ACTN1: variants seen among roughly 807,000 people sequenced by gnomAD.
The protein encoded by ACTN1 is alpha-actinin-1.
A neutral mutation model predicts 119.6 loss-of-function variants in ACTN1; 30 were observed. The observed-to-expected ratio is 0.25, with a 90% CI of 0.19 to 0.34. The LOEUF (loss-of-function observed/expected upper bound fraction) is 0.34. ACTN1 is among the 10% of genes least tolerant of loss of function. The pLI, the probability that ACTN1 is intolerant of heterozygous loss-of-function variation, is 1.00. For missense variants in ACTN1, 764 were observed against 1,223.4 expected (o/e 0.62, Z 5.60); for synonymous variants, 429 against 472.6 (o/e 0.91, Z 1.20).
chr14:68,949,404 C>T (rs2036054869), intron 1 of ACTN1, among the ~76,000 whole-genome samples: 1 of 152,204 alleles, frequency 6.6e-6, no homozygotes, highest in African/African-American at 2.4e-5. Flanking sequence ...TCTGCAGCTC[C>T]ACAGTGTGCC....
At chr14:68,930,580 A>G (rs17106619) in intron 1 of ACTN1, among the ~76,000 whole-genome samples, 4,988 of 152,222 alleles carry the variant, frequency 0.033, 282 homozygotes, top group African/African-American at 0.11. Flanking sequence ...CATGGGATTC[A>G]CTCGGATCAC....
At chr14:68,918,455 G>A (rs965942400) in intron 3 of ACTN1, among the ~76,000 whole-genome samples, 3 of 151,898 alleles carry the variant, frequency 2.0e-5, no homozygotes, top group East Asian at 3.9e-4. Flanking sequence ...GCGTGGTGGT[G>A]GGCGCCTGTA....
At chr14:68,970,213 G>A (rs994490857) in intron 1 of ACTN1, among the ~76,000 whole-genome samples, 11 of 151,780 alleles carry the variant, frequency 7.2e-5, no homozygotes, top group Non-Finnish European at 1.3e-4. Context: ...CTGCTCTTTG[G>A]CCTGGAGCTG....
chr14:68,960,839 G>A (rs933763518), intron 1 of ACTN1, among the ~76,000 whole-genome samples: 7 of 152,082 alleles, frequency 4.6e-5, no homozygotes, highest in Admixed American at 1.3e-4. Flanking sequence ...TTGGAAGGCC[G>A]AGGTCAGATG....
chr14:68,879,879 C>A lies in ACTN1; in HGVS notation c.2280+83G>T. The A allele has an allele frequency of 1.3e-6, 2 of 1,545,332 alleles. No homozygotes were observed. The highest frequency in any genetic ancestry group is 1.8e-6 in the Non-Finnish European group (2 of 1,139,142). On this transcript the variant is annotated intron_variant, in intron 18 of 21. Coordinates refer to ENST00000394419, the MANE Select transcript of ACTN1 (RefSeq NM_001130004.2). The surrounding 1 kb of genome is among the most constrained non-coding windows in gnomAD (Gnocchi z 4.9). ...CTCTCCCTCCTCACTTGCATGGCAG[C>A]CCACGTCCCGGGGAAGTGCCCTCCA...
chr14:68,920,994 G>A lies in ACTN1; in HGVS notation c.340+12C>T. 6.2e-7 allele frequency: 1 copy of A among 1,613,880 alleles called. No individual in the cohort carries two copies. The highest frequency in any genetic ancestry group is 8.5e-7 in the Non-Finnish European group (1 of 1,179,868). On this transcript the variant is annotated intron_variant, in intron 3 of 21. Transcript: ENST00000394419. Reference sequence around the variant, plus strand: ...AATCAGGCTCCTTGGGGCCACCAGAGGTAGGCCTTACCTTCGGCTCCGATG... The same window carrying A: ...AATCAGGCTCCTTGGGGCCACCAGAAGTAGGCCTTACCTTCGGCTCCGATG...
intron 1 of ACTN1, among the ~76,000 whole-genome samples, chr14:68,929,408 C>T (rs748230039): frequency 1.3e-5 from 2 of 151,894 alleles, no homozygotes; most frequent in Non-Finnish European, 2.9e-5. Flanking sequence ...AGTGCTACCC[C>T]GGCAGGTTTG....
At chr14:68,899,465 A>ACAGCCCC (rs75600635) in intron 8 of ACTN1, among the ~76,000 whole-genome samples, 18,729 of 134,886 alleles carry the variant, frequency 0.14, 1,382 homozygotes, top group African/African-American at 0.2. Context: ...ACCACACTCC[A>ACAGCCCC]CATACACACA....
chr14:68,933,321 A>G (rs1184943378), intron 1 of ACTN1, among the ~76,000 whole-genome samples: 2 of 151,950 alleles, frequency 1.3e-5, no homozygotes, highest in African/African-American at 4.8e-5. Context: ...TTTTTAGTAG[A>G]GACGGGGTTT....
intron 1 of ACTN1, among the ~76,000 whole-genome samples, chr14:68,971,278 A>G (rs1355067694): frequency 6.6e-6 from 1 of 152,238 alleles, no homozygotes; most frequent in Non-Finnish European, 1.5e-5. Context: ...GCATTTAATC[A>G]GTGTGAACTA....
chr14:68,910,656 C>A (rs1485420533), intron 4 of ACTN1, among the ~76,000 whole-genome samples: 1 of 144,374 alleles, frequency 6.9e-6, no homozygotes, highest in Non-Finnish European at 1.5e-5. Flanking sequence ...ACCACACTAC[C>A]CCCCTGCTAG....
At chr14:68,958,594 G>A (rs2036429366) in intron 1 of ACTN1, among the ~76,000 whole-genome samples, 1 of 151,648 alleles carries the variant, frequency 6.6e-6, no homozygotes, top group Non-Finnish European at 1.5e-5. Flanking sequence ...AAAGGACTCA[G>A]AAATGATCCT....
intron 21 of ACTN1, 96 bp from the exon 22 acceptor site, chr14:68,875,113 C>G: frequency 6.4e-7 from 1 of 1,565,144 alleles, no homozygotes; most frequent in South Asian, 1.1e-5. Context: ...GTGAAGGCAG[C>G]ATGTGCCGTT....
intron 8 of ACTN1, among the ~76,000 whole-genome samples, chr14:68,901,968 A>AG (rs1193009052): frequency 1.3e-5 from 2 of 152,224 alleles, no homozygotes; most frequent in Non-Finnish European, 2.9e-5. Flanking sequence ...CTAGAGCCCA[A>AG]GGGGCTGAGG....
chr14:68,877,451 C>T (rs981222652), intron 20 of ACTN1: 22 of 554,246 alleles, frequency 4.0e-5, no homozygotes, highest in Non-Finnish European at 6.7e-5. Flanking sequence ...CCTGCAGATG[C>T]CTGAGTTCCT....
At chr14:68,934,257 G>A (rs1042159920) in intron 1 of ACTN1, among the ~76,000 whole-genome samples, 2 of 152,238 alleles carry the variant, frequency 1.3e-5, no homozygotes, top group Non-Finnish European at 2.9e-5. Flanking sequence ...AGGTCTTGGG[G>A]ACATCAGCCA....
Position 68,879,389 on chromosome 14 carries a change from C to T in ACTN1, c.2281-320G>A, listed in dbSNP as rs1437352395. ...CCCCCGCTTCCCCAGGGGCTTCCCC[C>T]CAGGTGCCTAGAGAGCCATGAAGCA... On this transcript the variant is annotated intron_variant, in intron 18 of 21. Transcript: ENST00000394419. The surrounding 1 kb of genome is among the most constrained non-coding windows in gnomAD (Gnocchi z 4.9). Among the ~76,000 whole-genome samples, 1 of 152,086 alleles carries T rather than the reference C, an allele frequency of 6.6e-6. No homozygotes were observed. Among genetic ancestry groups the T allele is most frequent in the South Asian group, 2.1e-4 (1 of 4,832 alleles).
chr14:68,953,842 C>T (rs578246845), intron 1 of ACTN1, among the ~76,000 whole-genome samples: 8 of 149,926 alleles, frequency 5.3e-5, no homozygotes, highest in Admixed American at 2.0e-4. Context: ...GCCAAGATCG[C>T]GCCACTGCAC....
At chr14:68,940,510 A>C (rs1235874520) in intron 1 of ACTN1, among the ~76,000 whole-genome samples, 1 of 152,060 alleles carries the variant, frequency 6.6e-6, no homozygotes, top group Non-Finnish European at 1.5e-5. Context: ...GCTAAGAATT[A>C]AATAGCACAA....
Sources: gnomAD v4.1 joint callset for allele counts (sites outside exome capture counted in the v4.1 genomes callset) on GRCh38, gnomAD v4.1.1 for gene constraint, Gnocchi (gnomAD v3.1) non-coding constraint, MANE v1.5 for transcripts, NCBI Gene and HGNC (gene_info 2026-07-23, HGNC 2026-07-21) for gene names.